Variants in HYDIN observed in about 807,000 individuals in gnomAD.
HYDIN encodes axonemal central pair apparatus protein HYDIN.
HYDIN carries 132 observed loss-of-function variants against 403.9 expected under a neutral mutation model. The ratio of observed to expected loss-of-function variants is 0.33; its 90% confidence interval spans 0.28 to 0.38. The LOEUF is 0.38. HYDIN is among the 10% of genes least tolerant of loss of function. The pLI is 1.00. For synonymous variants in HYDIN, 1,202 were observed against 1,891.7 expected (o/e 0.64, Z 9.46); for missense variants, 2,827 against 5,009.5 (o/e 0.56, Z 13.15).
intron 84 of HYDIN, among the ~76,000 whole-genome samples, chr16:70,816,570 CAA>C (rs895422118): frequency 1.1e-5 from 1 of 87,436 alleles, no homozygotes; most frequent in Non-Finnish European, 2.2e-5. Flanking sequence ...ATAATAAAGA[CAA>C]GAGCAGAAAT....
intron 58 of HYDIN, among the ~76,000 whole-genome samples, chr16:70,885,673 A>C (rs951611330): frequency 6.6e-6 from 1 of 152,002 alleles, no homozygotes; most frequent in African/African-American, 2.4e-5. Context: ...AGTTCATTGC[A>C]ACTGAAAGGC....
chr16:71,208,066 G>C (rs2088392136), intron 1 of HYDIN, among the ~76,000 whole-genome samples: 1 of 152,036 alleles, frequency 6.6e-6, no homozygotes, highest in Admixed American at 6.6e-5. Flanking sequence ...AGATCAAATG[G>C]ACCTAGTACA....
At chr16:71,064,089 A>T (rs1597686634) in intron 16 of HYDIN, among the ~76,000 whole-genome samples, 1 of 128,604 alleles carries the variant, frequency 7.8e-6, no homozygotes, top group South Asian at 2.4e-4. Context: ...ACTGAGTTTT[A>T]TACCCAAATG....
intron 73 of HYDIN, chr16:70,852,700 G>A: frequency 6.6e-6 from 1 of 152,126 alleles, no homozygotes; most frequent in Non-Finnish European, 1.5e-5. Flanking sequence ...GCACATATGT[G>A]TTGTATGAAA....
chr16:70,844,971 T>C (rs2038098596), intron 75 of HYDIN, among the ~76,000 whole-genome samples: 1 of 118,438 alleles, frequency 8.4e-6, no homozygotes, highest in South Asian at 2.8e-4. Context: ...AGATATACAA[T>C]CATGTCGTCT....
At chr16:71,212,587 A>G (rs1465564706) in intron 1 of HYDIN, among the ~76,000 whole-genome samples, 2 of 152,184 alleles carry the variant, frequency 1.3e-5, no homozygotes, top group African/African-American at 4.8e-5. Flanking sequence ...TAAATAGTAT[A>G]TTTTAAATGG....
intron 2 of HYDIN, among the ~76,000 whole-genome samples, chr16:71,185,608 T>C (rs965216021): frequency 1.3e-5 from 2 of 152,114 alleles, no homozygotes; most frequent in Non-Finnish European, 2.9e-5. Flanking sequence ...GCCAGTCACA[T>C]TCACACACCC....
At chr16:71,094,730 C>T (rs76002245) in intron 10 of HYDIN, among the ~76,000 whole-genome samples, 2,080 of 145,976 alleles carry the variant, frequency 0.014, no homozygotes, top group Middle Eastern at 0.03. Context: ...TTTCTATGTC[C>T]AAGGCAGCAG....
rs909907602 is a variant in HYDIN at position 70,802,450 on chromosome 16, A to T, written c.*5130T>A. On this transcript the variant is annotated 3_prime_UTR_variant, in exon 86 of 86. Coordinates refer to ENST00000393567, the MANE Select transcript of HYDIN (RefSeq NM_001270974.2). ...CGAATCAAGTGAGTACTTAAAAGAG[A>T]TTAGAAGAAATTTGAACTGGAAGAG... 3 of 152,192 alleles carry T rather than the reference A, an allele frequency of 2.0e-5. No individual in the cohort carries two copies. The highest frequency in any genetic ancestry group is 6.5e-5 in the Admixed American group (1 of 15,274). The allele number at this position is 152,192 out of a possible 1,614,324, so 9.4% of individuals were successfully genotyped here.
intron 71 of HYDIN, among the ~76,000 whole-genome samples, 157 bp downstream of exon 71, chr16:70,859,911 A>G (rs1428103678): frequency 1.3e-5 from 2 of 151,730 alleles, no homozygotes; most frequent in African/African-American, 2.4e-5. Flanking sequence ...GCATTGCCCA[A>G]TGCATATGGC....
Position 71,227,969 on chromosome 16 carries a change from AC to A in HYDIN, c.-24+2592del, listed in dbSNP as rs2041113899. 2.0e-5 allele frequency among the ~76,000 whole-genome samples: 3 copies of A among 152,150 alleles called. No homozygotes were observed. In the South Asian group the frequency reaches 6.2e-4, roughly 32 times the overall value. ...CACTGGTACCAAAACAGAGATATAG[AC>A]CAATGGAACAGAACGGAGCCCTCAG... On this transcript the variant is annotated intron_variant, in intron 1 of 85. Coordinates refer to ENST00000393567, the MANE Select transcript of HYDIN (RefSeq NM_001270974.2).
intron 12 of HYDIN, among the ~76,000 whole-genome samples, chr16:71,081,325 T>C (rs1180373044): frequency 6.6e-6 from 1 of 151,230 alleles, no homozygotes; most frequent in Non-Finnish European, 1.5e-5. Context: ...CTGCAACAAG[T>C]TTCAGGTCTA....
chr16:71,133,603 A>G (rs1597852565), intron 8 of HYDIN, among the ~76,000 whole-genome samples: 2 of 152,356 alleles, frequency 1.3e-5, no homozygotes, highest in Admixed American at 1.3e-4. Flanking sequence ...GCTCTTGTAC[A>G]GAGCAAATCT....
Position 70,855,278 on chromosome 16 carries a change from G to C in HYDIN, c.12296-3C>G. 3.2e-6 allele frequency: 5 copies of C among 1,558,810 alleles called. No individual in the cohort carries two copies. The highest frequency in any genetic ancestry group is 4.3e-6 in the Non-Finnish European group (5 of 1,157,896). ...CACAGTCTCCCTGGCTTCTCTGCCT[G>C]AGGAGGAAACACCAGCCCTTAGTGG... On this transcript the variant is annotated splice_polypyrimidine_tract_variant and splice_region_variant and intron_variant, in intron 72 of 85. Coordinates refer to ENST00000393567, the MANE Select transcript of HYDIN (RefSeq NM_001270974.2).
chr16:71,084,467 A>G (rs2082875286), intron 12 of HYDIN, among the ~76,000 whole-genome samples: 1 of 150,950 alleles, frequency 6.6e-6, no homozygotes, highest in East Asian at 1.9e-4. Flanking sequence ...GCTCACTGCA[A>G]TCTCCGCCTC....
intron 21 of HYDIN, among the ~76,000 whole-genome samples, chr16:71,024,934 G>A (rs1306357379): frequency 1.3e-5 from 2 of 152,184 alleles, no homozygotes; most frequent in South Asian, 2.1e-4. Flanking sequence ...TGCTGCATAC[G>A]GTTGTTGTGA....
chr16:71,178,429 AAAAAAAT>A (rs1567414029), intron 4 of HYDIN, among the ~76,000 whole-genome samples: 2 of 119,420 alleles, frequency 1.7e-5, no homozygotes, highest in African/African-American at 3.1e-5. Context: ...CAAAAAAAAA[AAAAAAAT>A]ATATATATAT....
chr16:71,043,942 AAGAGAG>A (rs77323675), intron 18 of HYDIN, among the ~76,000 whole-genome samples: 1 of 149,364 alleles, frequency 6.7e-6, no homozygotes, highest in Non-Finnish European at 1.5e-5. Flanking sequence ...GAAAGAAAGA[AAGAGAG>A]AGAGAGAGAG....
In HYDIN at chr16:71,093,843, A is replaced by C. The variant is rs2083191613; in HGVS notation, c.1420T>G (p.Phe474Val). The part of the protein sequence containing the change: ...NFELLDIGKV[F>V]TGSAHCYEAI... ...TCATAACAATGTGCAGATCCAGTGAAAACTTTCCCAATATCCAGCAATTCA... is the reference window on the plus strand; with the variant it reads ...TCATAACAATGTGCAGATCCAGTGACAACTTTCCCAATATCCAGCAATTCA... Residue 474 changes from phenylalanine (F) to valine (V), a missense_variant, in exon 11 of 86, where the codon TTC becomes GTC. By Grantham distance (50) the Phe-to-Val change is conservative. Transcript: ENST00000393567. 2.5e-6 allele frequency: 4 copies of C among 1,613,706 alleles called. No homozygotes were observed. The East Asian group carries it at 6.7e-5, about 27-fold the overall frequency.
Sources: allele counts gnomAD v4.1 joint callset (sites outside exome capture counted in the v4.1 genomes callset), GRCh38; gene constraint gnomAD v4.1.1; transcripts MANE v1.5; gene names NCBI Gene and HGNC (gene_info 2026-07-23, HGNC 2026-07-21).